HIGD1A: variants seen among roughly 807,000 people sequenced by gnomAD.
The protein encoded by HIGD1A is HIG1 hypoxia inducible domain family member 1A.
Under a neutral mutation model 11.3 loss-of-function variants are expected in HIGD1A, and 8 were observed. That is an observed-to-expected ratio of 0.71 (90% confidence interval 0.42 to 1.28). The LOEUF (loss-of-function observed/expected upper bound fraction) is 1.28, where lower values mean the gene tolerates loss of function less well. Ranked by LOEUF, HIGD1A falls within the 50% of genes most tolerant of loss-of-function variation. HIGD1A has a pLI of 0.01. For missense variants in HIGD1A, 107 were observed against 118.8 expected (o/e 0.90, Z 0.46); for synonymous variants, 32 against 38.4 (o/e 0.83, Z 0.62).
At chr3:42,787,657 T>C (rs959609685) in intron 2 of HIGD1A, among the ~76,000 whole-genome samples, 3 of 146,860 alleles carry the variant, frequency 2.0e-5, no homozygotes, top group Middle Eastern at 3.5e-3. Flanking sequence ...AATAATCTAA[T>C]ATAGCAGCAA....
rs368330989 is a variant in HIGD1A, at chr3:42,785,318, T to C, written c.235A>G (p.Met79Val). ...GFVVGAMTVG[M>V]GYSMYREFWA... ...AATTCCCGATACATGGAATAGCCCA[T>C]ACCTAAAGAAAAAGAATGCTAGTTA... is the stretch of plus-strand genomic sequence containing the variant. The change falls in exon 4 of 4, where the codon ATG (methionine) becomes GTG (valine). Residue 79 changes from methionine to valine, a missense_variant and splice_region_variant. Coordinates refer to ENST00000321331, the MANE Select transcript of HIGD1A (RefSeq NM_014056.4). 73 of 1,608,312 alleles carry C rather than the reference T, an allele frequency of 4.5e-5. No individual in the cohort carries two copies. The highest frequency in any genetic ancestry group is 8.9e-5 in the East Asian group (4 of 44,848).
chr3:42,788,573 C>T (rs1164970391), intron 2 of HIGD1A, among the ~76,000 whole-genome samples: 2 of 151,984 alleles, frequency 1.3e-5, no homozygotes, highest in East Asian at 1.9e-4. Flanking sequence ...ATCCCTGATA[C>T]CAAAACAAAA....
chr3:42,790,846 A>C (rs1283039670), intron 2 of HIGD1A, among the ~76,000 whole-genome samples: 1 of 151,966 alleles, frequency 6.6e-6, no homozygotes, highest in Non-Finnish European at 1.5e-5. Context: ...TGTTTCCCAG[A>C]CTAGAGTTCA....
chr3:42,802,867 A>C (rs535707879), intron 1 of HIGD1A, among the ~76,000 whole-genome samples: 1 of 152,222 alleles, frequency 6.6e-6, no homozygotes, highest in Non-Finnish European at 1.5e-5. Context: ...CTGCTGATGT[A>C]AATTAGATTA....
Position 42,783,720 on chromosome 3 carries a change from G to A in HIGD1A, c.*1551C>T, listed in dbSNP as rs551993054. On this transcript the variant is annotated 3_prime_UTR_variant, in exon 4 of 4. Coordinates refer to ENST00000321331, the MANE Select transcript of HIGD1A (RefSeq NM_014056.4). ...AGGAGGGAAGGAAGAAATATGCTAG[G>A]CTTAAATATTGCTCAAAAGGAATTA... Among the ~76,000 whole-genome samples, 5 of 152,226 alleles carry A rather than the reference G, an allele frequency of 3.3e-5. No homozygotes were observed. In the East Asian group the frequency reaches 7.7e-4, roughly 24 times the overall value.
At chr3:42,800,428 C>T (rs1700542041) in intron 1 of HIGD1A, among the ~76,000 whole-genome samples, 2 of 152,004 alleles carry the variant, frequency 1.3e-5, no homozygotes, top group African/African-American at 4.8e-5. Context: ...CCCTTCCCAA[C>T]CCCACATTCT....
chr3:42,793,901 T>A (rs1700459580), intron 2 of HIGD1A, among the ~76,000 whole-genome samples: 1 of 151,726 alleles, frequency 6.6e-6, no homozygotes, highest in Admixed American at 6.6e-5. Flanking sequence ...ACCTGAGAGG[T>A]CGAGGGATGG....
chr3:42,788,860 A>C (rs1700384148), intron 2 of HIGD1A, among the ~76,000 whole-genome samples: 1 of 152,016 alleles, frequency 6.6e-6, no homozygotes, highest in African/African-American at 2.4e-5. Context: ...CCTGGGCGAC[A>C]GAGCGGGACT....
intron 1 of HIGD1A, among the ~76,000 whole-genome samples, chr3:42,800,970 G>A (rs1320455761): frequency 6.6e-6 from 1 of 152,118 alleles, no homozygotes; most frequent in Non-Finnish European, 1.5e-5. Flanking sequence ...GCTCTGTTCT[G>A]AGTTGCTTTA....
At chr3:42,788,240 T>C (rs569234803) in intron 2 of HIGD1A, among the ~76,000 whole-genome samples, 1 of 152,206 alleles carries the variant, frequency 6.6e-6, no homozygotes, top group East Asian at 1.9e-4. Flanking sequence ...TCACAAGTGA[T>C]AAAGAGATTT....
At chr3:42,794,054 A>T (rs1362500565) in intron 2 of HIGD1A, 103 bp downstream of exon 2, 4 of 1,152,746 alleles carry the variant, frequency 3.5e-6, no homozygotes, top group Non-Finnish European at 4.9e-6. Flanking sequence ...ATATTTCAAC[A>T]TAAGAAAAAA....
chr3:42,789,963 C>T (rs1381151684), intron 2 of HIGD1A, among the ~76,000 whole-genome samples: 4 of 151,994 alleles, frequency 2.6e-5, no homozygotes, highest in African/African-American at 4.8e-5. Context: ...CTCAAGTGAT[C>T]CTCCTGCCTC....
At position 42,796,724 on chromosome 3, in the gene HIGD1A, T is replaced by G. The variant is rs1301721851; in HGVS notation, c.-22-2449A>C. On this transcript the variant is annotated intron_variant, in intron 1 of 3. Transcript: ENST00000321331. The stretch of plus-strand genomic sequence containing the variant: ...GAAATGGGAAGTTGAAGCTGTCCTC[T>G]TGTGCTGAGTCAGTTCCTAGGTAGG... 2.0e-5 allele frequency among the ~76,000 whole-genome samples: 3 copies of G among 152,242 alleles called. No homozygotes were observed. The East Asian group carries it at 5.8e-4, about 29-fold the overall frequency.
chr3:42,788,822 G>A (rs2125924199), intron 2 of HIGD1A, among the ~76,000 whole-genome samples: 1 of 151,748 alleles, frequency 6.6e-6, no homozygotes, highest in East Asian at 2.0e-4. Context: ...AGGCTGCAGT[G>A]AGCCGAGATC....
intron 1 of HIGD1A, among the ~76,000 whole-genome samples, chr3:42,802,547 T>G (rs1448821719): frequency 6.6e-6 from 1 of 152,258 alleles, no homozygotes; most frequent in Non-Finnish European, 1.5e-5. Context: ...GAATACAAAA[T>G]TTTGATAACT....
chr3:42,787,328 C>T (rs1163353342), intron 2 of HIGD1A, among the ~76,000 whole-genome samples: 1 of 152,032 alleles, frequency 6.6e-6, no homozygotes, highest in African/African-American at 2.4e-5. Flanking sequence ...GGAGCAGTAG[C>T]TCACACCCAT....
intron 1 of HIGD1A, among the ~76,000 whole-genome samples, chr3:42,796,435 G>GT (rs1455696652): frequency 4.0e-4 from 36 of 90,536 alleles, no homozygotes; most frequent in African/African-American, 8.5e-4. Context: ...ATTAGTTGTT[G>GT]TTTTTTTTTT....
At chr3:42,799,878 A>G (rs1397074668) in intron 1 of HIGD1A, among the ~76,000 whole-genome samples, 2 of 152,166 alleles carry the variant, frequency 1.3e-5, no homozygotes, top group Non-Finnish European at 2.9e-5. Context: ...GAATTTAGAG[A>G]GAGTGATGTA....
intron 2 of HIGD1A, 83 bp from the exon 3 acceptor site, chr3:42,786,245 T>C (rs1021401684): frequency 2.9e-6 from 4 of 1,401,306 alleles, no homozygotes; most frequent in Non-Finnish European, 4.0e-6. Context: ...CATTCTATTA[T>C]TTTTATGAGG....
Sources: gnomAD v4.1 joint callset for allele counts (sites outside exome capture counted in the v4.1 genomes callset) on GRCh38, gnomAD v4.1.1 for gene constraint, MANE v1.5 for transcripts, NCBI Gene and HGNC (gene_info 2026-07-23, HGNC 2026-07-21) for gene names.